Variants in MACROD2 observed in about 807,000 individuals in gnomAD.
MACROD2 encodes mono-ADP ribosylhydrolase 2.
A neutral mutation model predicts 70.4 loss-of-function variants in MACROD2; 36 were observed. The observed-to-expected ratio is 0.51, with a 90% confidence interval of 0.39 to 0.68. MACROD2 has a LOEUF of 0.68. MACROD2 is among the 30% of genes least tolerant of loss of function. The pLI is 0.00. For missense variants in MACROD2, 496 were observed against 538.4 expected (o/e 0.92, Z 0.78); for synonymous variants, 172 against 178.8 (o/e 0.96, Z 0.30).
chr20:14,507,962 A>G (rs977162991), intron 4 of MACROD2, among the ~76,000 whole-genome samples: 1 of 152,208 alleles, frequency 6.6e-6, no homozygotes, highest in Non-Finnish European at 1.5e-5. Context: ...TATACTAGCT[A>G]CAGCCTCCTG....
At chr20:14,965,062 GCT>G (rs1203794061) in intron 5 of MACROD2, among the ~76,000 whole-genome samples, 1 of 152,174 alleles carries the variant, frequency 6.6e-6, no homozygotes, top group Non-Finnish European at 1.5e-5. Context: ...CAAAGGTTAA[GCT>G]GTTTTTGATG....
At chr20:14,342,490 A>G (rs1291409790) in intron 3 of MACROD2, among the ~76,000 whole-genome samples, 1 of 152,222 alleles carries the variant, frequency 6.6e-6, no homozygotes, top group Non-Finnish European at 1.5e-5. Context: ...TCAGTATTAC[A>G]TCTTAGCATA....
chr20:15,874,533 A>G (rs1425281648), intron 9 of MACROD2, among the ~76,000 whole-genome samples: 1 of 152,092 alleles, frequency 6.6e-6, no homozygotes, highest in South Asian at 2.1e-4. Flanking sequence ...TCCCACCAAC[A>G]GTGTAAAAGC....
intron 4 of MACROD2, among the ~76,000 whole-genome samples, chr20:14,620,334 C>A (rs995165678): frequency 6.6e-6 from 1 of 151,994 alleles, no homozygotes; most frequent in Non-Finnish European, 1.5e-5. Context: ...AGATTGCTCC[C>A]ACCAACCTAA....
intron 5 of MACROD2, among the ~76,000 whole-genome samples, chr20:15,011,672 C>A (rs1362628710): frequency 6.6e-6 from 1 of 152,126 alleles, no homozygotes; most frequent in Non-Finnish European, 1.5e-5. Context: ...TGACTTAGCC[C>A]TTCCCCTCTC....
intron 5 of MACROD2, among the ~76,000 whole-genome samples, chr20:14,856,725 C>T (rs540598514): frequency 6.6e-6 from 1 of 152,148 alleles, no homozygotes; most frequent in South Asian, 2.1e-4. Context: ...TAACAAGATC[C>T]CAGGTAGTGT....
In MACROD2 at chr20:14,085,948, G is replaced by A. The variant is rs1394527980; in HGVS notation, c.271+220G>A. 2.0e-5 allele frequency among the ~76,000 whole-genome samples: 3 copies of A among 152,176 alleles called. No homozygotes were observed. In the East Asian group the frequency reaches 5.8e-4, roughly 29 times the overall value. On this transcript the variant is annotated intron_variant, in intron 3 of 17. Coordinates refer to ENST00000684519, the MANE Select transcript of MACROD2 (RefSeq NM_001351661.2). ...CCTCTACAGTGAAAGGCGCTAGGTT[G>A]AGATTAGGATACTGCACCACTGGAG...
intron 5 of MACROD2, among the ~76,000 whole-genome samples, chr20:14,937,387 G>A (rs1568886113): frequency 6.6e-6 from 1 of 151,762 alleles, no homozygotes; most frequent in Non-Finnish European, 1.5e-5. Flanking sequence ...TGTGTGAAAG[G>A]TTTTTTTTCA....
chr20:15,961,834 A>G (rs541480359), intron 12 of MACROD2, among the ~76,000 whole-genome samples: 14 of 152,330 alleles, frequency 9.2e-5, no homozygotes, highest in African/African-American at 2.9e-4. Context: ...TTTATTTTTT[A>G]ATGTTATCAA....
intron 5 of MACROD2, among the ~76,000 whole-genome samples, chr20:15,104,193 A>G (rs1036980784): frequency 6.6e-6 from 1 of 152,158 alleles, no homozygotes; most frequent in Non-Finnish European, 1.5e-5. Flanking sequence ...TTGGGACGGA[A>G]CTGAAAGACT....
chr20:15,031,852 G>A lies in MACROD2; in HGVS notation c.419-198088G>A, dbSNP rs1188107597. On this transcript the variant is annotated intron_variant, in intron 5 of 17. Coordinates refer to ENST00000684519, the MANE Select transcript of MACROD2 (RefSeq NM_001351661.2). ...GCTTCAGGCTGTCCCTGGCTTGAAG[G>A]TGGGGTTTCACCAGGGACTCGCGCC... Among the ~76,000 whole-genome samples, 9 of 152,120 alleles carry A rather than the reference G, an allele frequency of 5.9e-5. 1 individual carries two copies. The highest frequency in any genetic ancestry group is 1.3e-4 in the Admixed American group (2 of 15,288).
intron 5 of MACROD2, among the ~76,000 whole-genome samples, chr20:14,896,631 C>T (rs2073833167): frequency 6.7e-6 from 1 of 150,028 alleles, no homozygotes; most frequent in African/African-American, 2.5e-5. Context: ...TATATGGATT[C>T]AGGTAGATGA....
intron 5 of MACROD2, among the ~76,000 whole-genome samples, chr20:15,055,836 C>T (rs1360833689): frequency 1.4e-5 from 2 of 147,058 alleles, no homozygotes; most frequent in Non-Finnish European, 3.0e-5. Context: ...CACTCTGTTA[C>T]CCAGGCTAGA....
At chr20:14,848,583 A>G (rs781519836) in intron 5 of MACROD2, among the ~76,000 whole-genome samples, 1 of 152,166 alleles carries the variant, frequency 6.6e-6, no homozygotes, top group Non-Finnish European at 1.5e-5. Context: ...ATCCACATTC[A>G]TTTGACTCTA....
At chr20:15,804,826 G>A (rs2063754733) in intron 8 of MACROD2, among the ~76,000 whole-genome samples, 3 of 152,086 alleles carry the variant, frequency 2.0e-5, no homozygotes, top group Admixed American at 6.5e-5. Context: ...ATTTAGCCCA[G>A]GCAAGAAAAG....
intron 6 of MACROD2, among the ~76,000 whole-genome samples, chr20:15,355,591 C>G (rs750091619): frequency 2.0e-5 from 3 of 152,212 alleles, no homozygotes; most frequent in Non-Finnish European, 4.4e-5. Flanking sequence ...AACTCAATCT[C>G]TAGTCCTTGC....
intron 8 of MACROD2, among the ~76,000 whole-genome samples, chr20:15,831,263 A>G (rs2064053277): frequency 1.3e-5 from 2 of 152,288 alleles, no homozygotes; most frequent in South Asian, 4.2e-4. Flanking sequence ...TACCTTGACC[A>G]AAGTAATATC....
At chr20:14,609,104 CA>C (rs1982996759) in intron 4 of MACROD2, among the ~76,000 whole-genome samples, 1 of 151,810 alleles carries the variant, frequency 6.6e-6, no homozygotes, top group South Asian at 2.1e-4. Context: ...CTTTGAAGCA[CA>C]TGAATCAACA....
chr20:13,995,833 G>T lies in MACROD2; in HGVS notation c.46+24G>T. On this transcript the variant is annotated intron_variant, in intron 1 of 17. Coordinates refer to ENST00000684519, the MANE Select transcript of MACROD2 (RefSeq NM_001351661.2). The surrounding 1 kb of genome is among the most constrained non-coding windows in gnomAD (Gnocchi z 4.3). ...AGGTAACCGGCCCGTCGAGTCCTGGGGGTGCGGGCGGTGGGGGTTAGGGTG... is the reference window on the plus strand; with the variant it reads ...AGGTAACCGGCCCGTCGAGTCCTGGTGGTGCGGGCGGTGGGGGTTAGGGTG... 6.4e-7 allele frequency: 1 copy of T among 1,560,712 alleles called. No individual in the cohort carries two copies.
Sources: allele counts gnomAD v4.1 joint callset (sites outside exome capture counted in the v4.1 genomes callset), GRCh38; gene constraint gnomAD v4.1.1; non-coding constraint Gnocchi (gnomAD v3.1); transcripts MANE v1.5; gene names NCBI Gene and HGNC (gene_info 2026-07-23, HGNC 2026-07-21).